The following SNX29 variants were observed in gnomAD, a reference collection of about 807,000 sequenced individuals.
SNX29 encodes the protein sorting nexin 29.
A neutral mutation model predicts 102.1 loss-of-function variants in SNX29; 78 were observed. The observed-to-expected ratio is 0.76, with a 90% CI of 0.64 to 0.92. The LOEUF (loss-of-function observed/expected upper bound fraction) is 0.92, where lower values mean the gene tolerates loss of function less well. SNX29 is among the 40% of genes least tolerant of loss of function. SNX29 has a pLI of 0.00. For synonymous variants in SNX29, 580 were observed against 414.5 expected, an observed-to-expected ratio of 1.40 and a Z score of -4.85; for missense variants, 1,280 against 1,061.7, an observed-to-expected ratio of 1.21 and a Z score of -2.86.
intron 11 of SNX29, among the ~76,000 whole-genome samples, chr16:12,121,406 A>G (rs2053965961): frequency 6.6e-6 from 1 of 152,254 alleles, no homozygotes. Flanking sequence ...CCATTTGTGC[A>G]TGACTGCTTT....
rs58148692 is a variant in SNX29, at chr16:12,339,370, C to CAAAAAAAAAAAAAAAAAAA, written c.1783-16787_1783-16769dup. On this transcript the variant is annotated intron_variant, in intron 15 of 20. Transcript: ENST00000566228. ...TGGGCGACAGAGTGAGATTCTGTCT[C>CAAAAAAAAAAAAAAAAAAA]AAAAAAAAAAAAAAAAAAAAAAAAG... 1.1e-4 allele frequency among the ~76,000 whole-genome samples: 6 copies of CAAAAAAAAAAAAAAAAAAA among 56,280 alleles called. 1 individual carries two copies. The highest frequency in any genetic ancestry group is 1.6e-3 in the East Asian group (2 of 1,236). The allele number at this position is 56,280 out of a possible 152,430, so 36.9% of individuals were successfully genotyped here.
chr16:12,437,361 C>T (rs1452674019), intron 18 of SNX29, among the ~76,000 whole-genome samples: 4 of 152,228 alleles, frequency 2.6e-5, no homozygotes, highest in African/African-American at 7.2e-5. Context: ...TGAGGCCCTG[C>T]CCACCGCATT....
chr16:12,395,509 G>T (rs1309031190), intron 16 of SNX29, among the ~76,000 whole-genome samples: 1 of 152,196 alleles, frequency 6.6e-6, no homozygotes, highest in Non-Finnish European at 1.5e-5. Flanking sequence ...TCTAGTAACG[G>T]GCTTTGCCTT....
At chr16:12,050,034 T>G (rs2050240352) in intron 7 of SNX29, among the ~76,000 whole-genome samples, 2 of 152,212 alleles carry the variant, frequency 1.3e-5, no homozygotes, top group South Asian at 4.1e-4. Context: ...CATGGTGTCT[T>G]TGGTACACAG....
intron 19 of SNX29, among the ~76,000 whole-genome samples, chr16:12,483,928 C>T (rs1419518259): frequency 3.3e-5 from 5 of 152,212 alleles, no homozygotes; most frequent in African/African-American, 7.2e-5. Context: ...ATGCCTAATG[C>T]CCAGGGAGCA....
At chr16:12,485,051 T>C (rs893348042) in intron 19 of SNX29, among the ~76,000 whole-genome samples, 6 of 152,240 alleles carry the variant, frequency 3.9e-5, no homozygotes, top group Non-Finnish European at 8.8e-5. Flanking sequence ...TATTTTCTTC[T>C]TCGCTTTGCT....
chr16:12,288,085 A>G (rs8058627), intron 15 of SNX29, among the ~76,000 whole-genome samples: 11,447 of 152,188 alleles, frequency 0.075, 1,035 homozygotes, highest in African/African-American at 0.21. Context: ...CCACTCAGGA[A>G]GTTGAGGTGG....
At chr16:12,311,115 G>A (rs559652792) in intron 15 of SNX29, among the ~76,000 whole-genome samples, 1 of 152,286 alleles carries the variant, frequency 6.6e-6, no homozygotes, top group South Asian at 2.1e-4. Flanking sequence ...TAATCAACTC[G>A]ATAGGGCAGA....
intron 15 of SNX29, among the ~76,000 whole-genome samples, chr16:12,311,398 C>T (rs573495866): frequency 6.6e-6 from 1 of 152,350 alleles, no homozygotes; most frequent in South Asian, 2.1e-4. Context: ...CTCTGGGCAG[C>T]CCATAGGGAC....
intron 4 of SNX29, among the ~76,000 whole-genome samples, chr16:12,039,687 C>G (rs1321605850): frequency 6.6e-6 from 1 of 152,190 alleles, no homozygotes; most frequent in Non-Finnish European, 1.5e-5. Flanking sequence ...CTCAGCTTCC[C>G]CTACTTGGAA....
chr16:12,129,817 A>T, intron 13 of SNX29, 59 bp downstream of exon 13: 1 of 1,518,506 alleles, frequency 6.6e-7, no homozygotes, highest in Non-Finnish European at 8.9e-7. Flanking sequence ...AAACCTGAGC[A>T]TACTGGGCCG....
At chr16:12,195,927 T>G (rs1020179665) in intron 13 of SNX29, among the ~76,000 whole-genome samples, 1 of 151,838 alleles carries the variant, frequency 6.6e-6, no homozygotes, top group African/African-American at 2.4e-5. Context: ...GCTCTGCCTT[T>G]GCTGGTTGTG....
At chr16:12,300,992 G>A (rs2080156349) in intron 15 of SNX29, among the ~76,000 whole-genome samples, 1 of 152,204 alleles carries the variant, frequency 6.6e-6, no homozygotes, top group Admixed American at 6.5e-5. Flanking sequence ...TAAGGCCAGT[G>A]CAGAACTCTG....
chr16:12,551,820 A>T (rs1222848267), intron 20 of SNX29, among the ~76,000 whole-genome samples: 1 of 152,140 alleles, frequency 6.6e-6, no homozygotes, highest in Admixed American at 6.5e-5. Flanking sequence ...TCCCCGCCTC[A>T]GTTTTGTCAC....
chr16:12,224,294 CT>C (rs998158330), intron 14 of SNX29, among the ~76,000 whole-genome samples: 1 of 152,160 alleles, frequency 6.6e-6, no homozygotes, highest in African/African-American at 2.4e-5. Context: ...CTCCCTCCTT[CT>C]TTCTCTCTCC....
chr16:12,038,398 G>C (rs1484849572), intron 4 of SNX29, among the ~76,000 whole-genome samples: 1 of 152,132 alleles, frequency 6.6e-6, no homozygotes, highest in Admixed American at 6.5e-5. Context: ...CAGGTGCCCC[G>C]GGGCAGCTCT....
intron 13 of SNX29, among the ~76,000 whole-genome samples, chr16:12,184,475 TCTC>T (rs1369986587): frequency 6.6e-6 from 1 of 152,196 alleles, no homozygotes; most frequent in Non-Finnish European, 1.5e-5. Flanking sequence ...AAGGTTCAGA[TCTC>T]CTAGAGCCTC....
intron 19 of SNX29, among the ~76,000 whole-genome samples, chr16:12,517,993 C>T (rs368408254): frequency 1.1e-4 from 17 of 150,948 alleles, no homozygotes; most frequent in African/African-American, 3.4e-4. Flanking sequence ...TGGTGAGGGT[C>T]GGGGTGGGAG....
intron 15 of SNX29, among the ~76,000 whole-genome samples, chr16:12,284,702 A>T (rs2151036087): frequency 6.7e-6 from 1 of 150,034 alleles, no homozygotes; most frequent in South Asian, 2.1e-4. Flanking sequence ...ACTTGCCAGA[A>T]CTGCTTTGGT....
Sources: allele counts gnomAD v4.1 joint callset (sites outside exome capture counted in the v4.1 genomes callset), GRCh38; gene constraint gnomAD v4.1.1; transcripts MANE v1.5; gene names NCBI Gene and HGNC (gene_info 2026-07-23, HGNC 2026-07-21).